Variants in KIAA1217 observed in about 807,000 individuals in gnomAD.
The protein encoded by KIAA1217 is sickle tail protein homolog.
A neutral mutation model predicts 163.9 loss-of-function variants in KIAA1217; 88 were observed. The ratio of observed to expected loss-of-function variants is 0.54; its 90% CI spans 0.45 to 0.64. The LOEUF is 0.64. KIAA1217 is among the 30% of genes least tolerant of loss of function. KIAA1217 has a pLI of 0.00. For missense variants in KIAA1217, 2,372 were observed against 2,475.0 expected (o/e 0.96, Z 0.88); for synonymous variants, 903 against 923.1 (o/e 0.98, Z 0.39).
intron 2 of KIAA1217, among the ~76,000 whole-genome samples, chr10:24,312,493 C>T (rs2042833590): frequency 6.6e-6 from 1 of 152,070 alleles, no homozygotes; most frequent in African/African-American, 2.4e-5. Flanking sequence ...GTGGCGCATG[C>T]CTGTAATCCC....
At chr10:24,537,200 A>G (rs2074149062) in intron 17 of KIAA1217, among the ~76,000 whole-genome samples, 1 of 152,200 alleles carries the variant, frequency 6.6e-6, no homozygotes, top group Non-Finnish European at 1.5e-5. Context: ...ATATAGAAAC[A>G]GCAACCAAGT....
At chr10:24,519,572 G>C (rs997777175) in intron 10 of KIAA1217, among the ~76,000 whole-genome samples, 53 of 152,092 alleles carry the variant, frequency 3.5e-4, no homozygotes, top group African/African-American at 1.2e-3. Flanking sequence ...GGTAGGCAAG[G>C]TTTCTACTGG....
chr10:24,223,988 G>C (rs2070077013), intron 2 of KIAA1217, among the ~76,000 whole-genome samples: 1 of 152,126 alleles, frequency 6.6e-6, no homozygotes, highest in Admixed American at 6.5e-5. Context: ...AACACTGGAA[G>C]ATTCACGGTT....
intron 1 of KIAA1217, among the ~76,000 whole-genome samples, chr10:23,926,229 A>T (rs1377511295): frequency 6.6e-6 from 1 of 152,160 alleles, no homozygotes; most frequent in African/African-American, 2.4e-5. Context: ...GGGGGCTGGG[A>T]AAAAATAAAA....
At chr10:24,209,340 A>G in intron 1 of KIAA1217, 77 bp downstream of exon 1, 2 of 1,055,846 alleles carry the variant, frequency 1.9e-6, no homozygotes, top group South Asian at 1.4e-5. Context: ...TATAAACTGC[A>G]GCTCTGGGAC....
chr10:24,511,104 G>A lies in KIAA1217; in HGVS notation c.2002-2155G>A, dbSNP rs138289551. On this transcript the variant is annotated intron_variant, in intron 9 of 20. Coordinates refer to ENST00000376454, the MANE Select transcript of KIAA1217 (RefSeq NM_019590.5). ...TCTGGCGGAGGTTGCAGTGAGCTGC[G>A]ATCACACCACTGCACTCCACCCTGG... Among the ~76,000 whole-genome samples, 9 of 125,188 alleles carry A rather than the reference G, an allele frequency of 7.2e-5. No individual in the cohort carries two copies. The East Asian group carries it at 7.8e-4, about 11-fold the overall frequency. The allele number at this position is 125,188 out of a possible 152,430, so 82.1% of individuals were successfully genotyped here. A position where few individuals can be genotyped will look rare whatever the true frequency, so the allele number is the denominator to read the frequency against.
chr10:24,034,380 C>T (rs1168358072), intron 2 of KIAA1217, among the ~76,000 whole-genome samples: 1 of 151,568 alleles, frequency 6.6e-6, no homozygotes, highest in African/African-American at 2.4e-5. Context: ...GGCAACATGG[C>T]AAAATCCCAA....
chr10:24,341,875 A>C (rs543159659), intron 2 of KIAA1217, among the ~76,000 whole-genome samples: 1 of 152,322 alleles, frequency 6.6e-6, no homozygotes, highest in African/African-American at 2.4e-5. Context: ...TGGAAAAAAA[A>C]AAAAGATAGC....
chr10:23,909,507 G>T (rs117750040), intron 1 of KIAA1217, among the ~76,000 whole-genome samples: 2 of 150,690 alleles, frequency 1.3e-5, no homozygotes, highest in Non-Finnish European at 2.9e-5. Flanking sequence ...CATACCTTCC[G>T]AATCTAAAAC....
At chr10:23,928,527 G>A (rs76524433) in intron 1 of KIAA1217, among the ~76,000 whole-genome samples, 3,151 of 152,230 alleles carry the variant, frequency 0.021, 60 homozygotes, top group Admixed American at 0.063. Flanking sequence ...CCTACTGTTT[G>A]CAAGACATTA....
chr10:24,446,972 G>A (rs2060986284), intron 5 of KIAA1217, among the ~76,000 whole-genome samples: 2 of 152,206 alleles, frequency 1.3e-5, no homozygotes, highest in Non-Finnish European at 1.5e-5. Flanking sequence ...TCATCAGTGT[G>A]TCGATGAGTC....
intron 2 of KIAA1217, among the ~76,000 whole-genome samples, chr10:24,300,701 G>A (rs1378933443): frequency 6.6e-6 from 1 of 152,144 alleles, no homozygotes; most frequent in Non-Finnish European, 1.5e-5. Context: ...CTGAGTAGCT[G>A]GGACTAGAGG....
Position 24,121,416 on chromosome 10 carries a change from T to G in KIAA1217, c.-170-98210T>G, listed in dbSNP as rs372194121. On this transcript the variant is annotated intron_variant, in intron 2 of 18. Transcript: ENST00000376462. ...TGGGAATGATTAAGCCCTTGTAGCTTAAAGCATGGACATTCTTGGGAGAAA... is the reference window on the plus strand; with the variant it reads ...TGGGAATGATTAAGCCCTTGTAGCTGAAAGCATGGACATTCTTGGGAGAAA... Among the ~76,000 whole-genome samples the G allele has an allele frequency of 6.1e-4, 93 of 152,318 alleles. 1 individual carries two copies. The highest frequency in any genetic ancestry group is 2.2e-3 in the African/African-American group (92 of 41,576).
At chr10:24,056,771 A>G (rs2060546536) in intron 2 of KIAA1217, among the ~76,000 whole-genome samples, 1 of 152,228 alleles carries the variant, frequency 6.6e-6, no homozygotes, top group South Asian at 2.1e-4. Flanking sequence ...TCTGATCTAC[A>G]TAAACTCCCA....
At position 24,431,147 on chromosome 10, in the gene KIAA1217, C is replaced by T. The variant is rs577761706; in HGVS notation, c.554-1848C>T. The stretch of plus-strand genomic sequence containing the variant: ...TTCTTTGATGTATGCTTTTGTATCC[C>T]TTATTGTCACTTTAATGGAATTTCT... On this transcript the variant is annotated intron_variant, in intron 3 of 20. Transcript: ENST00000376454. Among the ~76,000 whole-genome samples the T allele has an allele frequency of 1.5e-3, 223 of 152,210 alleles. 1 individual carries two copies. Among genetic ancestry groups the T allele is most frequent in the Non-Finnish European group, 2.8e-3 (189 of 68,004 alleles).
intron 1 of KIAA1217, among the ~76,000 whole-genome samples, chr10:23,819,042 G>A (rs1837495925): frequency 1.3e-5 from 2 of 152,286 alleles, no homozygotes; most frequent in Admixed American, 1.3e-4. Flanking sequence ...ATTTTAAAGT[G>A]TGGATTATTT....
chr10:23,827,380 C>A (rs1432849679), intron 1 of KIAA1217, among the ~76,000 whole-genome samples: 1 of 152,182 alleles, frequency 6.6e-6, no homozygotes, highest in East Asian at 1.9e-4. Flanking sequence ...TGATTTCTTG[C>A]ACCTGTCCTT....
At chr10:24,104,831 G>A (rs2062559841) in intron 2 of KIAA1217, among the ~76,000 whole-genome samples, 1 of 152,160 alleles carries the variant, frequency 6.6e-6, no homozygotes, top group Non-Finnish European at 1.5e-5. Flanking sequence ...AAAAAGTAAA[G>A]TGTGATTTAA....
intron 12 of KIAA1217, among the ~76,000 whole-genome samples, chr10:24,523,714 A>G (rs140434519): frequency 3.1e-4 from 47 of 152,324 alleles, no homozygotes; most frequent in African/African-American, 1.1e-3. Flanking sequence ...TCAACGTTAT[A>G]TAAAGCATGA....
Sources: allele counts gnomAD v4.1 joint callset (sites outside exome capture counted in the v4.1 genomes callset), GRCh38; gene constraint gnomAD v4.1.1; transcripts MANE v1.5; gene names NCBI Gene and HGNC (gene_info 2026-07-23, HGNC 2026-07-21).